The following LRP1B variants were observed in gnomAD, a reference collection of about 807,000 sequenced individuals.
LRP1B encodes low-density lipoprotein receptor-related protein 1B.
Under a neutral mutation model 556.6 loss-of-function variants are expected in LRP1B, and 217 were observed. That is an observed-to-expected ratio of 0.39 (90% confidence interval 0.35 to 0.44). LRP1B has a LOEUF of 0.44. Among genes scored for constraint, LRP1B ranks in the 20% least tolerant of loss-of-function variants. The pLI is 1.00. For missense variants in LRP1B, 5,053 were observed against 5,620.8 expected (o/e 0.90, Z 3.23); for synonymous variants, 2,047 against 1,865.8 (o/e 1.10, Z -2.50).
chr2:141,082,791 A>T (rs1699957211), intron 7 of LRP1B, among the ~76,000 whole-genome samples: 1 of 152,200 alleles, frequency 6.6e-6, no homozygotes, highest in Non-Finnish European at 1.5e-5. Flanking sequence ...GACAAAGGTT[A>T]AAAAATGGCT....
At chr2:141,167,390 C>T (rs958097435) in intron 7 of LRP1B, 1 of 151,710 alleles carries the variant, frequency 6.6e-6, no homozygotes, top group Non-Finnish European at 1.5e-5. Context: ...ATATAGTTCC[C>T]ATTATATTTT....
At chr2:140,673,971 CAG>C (rs539977724) in intron 41 of LRP1B, among the ~76,000 whole-genome samples, 2,018 of 147,524 alleles carry the variant, frequency 0.014, 42 homozygotes, top group Admixed American at 0.047. Flanking sequence ...TTTTTTGCGA[CAG>C]AGTCTTGCTT....
intron 3 of LRP1B, among the ~76,000 whole-genome samples, chr2:141,271,969 C>G (rs1210692635): frequency 6.6e-6 from 1 of 151,982 alleles, no homozygotes; most frequent in Non-Finnish European, 1.5e-5. Context: ...AAGCAATGCT[C>G]TCTTGGAGTA....
At chr2:141,311,467 A>C (rs897303792) in intron 3 of LRP1B, among the ~76,000 whole-genome samples, 4 of 152,110 alleles carry the variant, frequency 2.6e-5, no homozygotes, top group African/African-American at 9.7e-5. Context: ...AGGCTCCACT[A>C]TAGGCTGAAT....
At chr2:141,169,330 A>T (rs1234631522) in intron 7 of LRP1B, among the ~76,000 whole-genome samples, 3 of 148,356 alleles carry the variant, frequency 2.0e-5, no homozygotes, top group African/African-American at 7.5e-5. Context: ...AAATAAATAA[A>T]TAAATAAAGA....
At chr2:140,684,351 C>T (rs1559053646) in intron 41 of LRP1B, among the ~76,000 whole-genome samples, 1 of 152,198 alleles carries the variant, frequency 6.6e-6, no homozygotes. Flanking sequence ...CGAATGGTGA[C>T]TAAATTAATC....
At chr2:140,901,972 T>C (rs1456959794) in intron 23 of LRP1B, among the ~76,000 whole-genome samples, 1 of 152,130 alleles carries the variant, frequency 6.6e-6, no homozygotes, top group Non-Finnish European at 1.5e-5. Flanking sequence ...TTTCCAAGCC[T>C]GAACATGTGA....
Position 140,385,873 on chromosome 2 carries a change from A to G in LRP1B, c.10531+20T>C, listed in dbSNP as rs1446949792. On this transcript the variant is annotated intron_variant, in intron 67 of 90. Coordinates refer to ENST00000389484, the MANE Select transcript of LRP1B (RefSeq NM_018557.3). ...AATGGGCTGTCAAGCTCAAAACATTATTAGGCAAGAGTTACTTACTACAGT... is the reference window on the plus strand; with the variant it reads ...AATGGGCTGTCAAGCTCAAAACATTGTTAGGCAAGAGTTACTTACTACAGT... 1 of 1,524,572 alleles carries G rather than the reference A, an allele frequency of 6.6e-7. No individual in the cohort carries two copies. The highest frequency in any genetic ancestry group is 2.3e-5 in the East Asian group (1 of 44,386). 94.4% of individuals were successfully genotyped at this position (1,524,572 alleles called of 1,614,324 possible).
chr2:140,691,712 C>T (rs1559057709), intron 41 of LRP1B, among the ~76,000 whole-genome samples: 1 of 152,012 alleles, frequency 6.6e-6, no homozygotes, highest in African/African-American at 2.4e-5. Flanking sequence ...TCATGTCATT[C>T]AACATGGTTG....
chr2:141,007,139 A>G (rs1044839641), intron 14 of LRP1B, among the ~76,000 whole-genome samples: 1 of 151,928 alleles, frequency 6.6e-6, no homozygotes, highest in Non-Finnish European at 1.5e-5. Context: ...CGATAAGAGA[A>G]TAAAATGATT....
At chr2:141,045,821 A>G (rs1698852544) in intron 11 of LRP1B, among the ~76,000 whole-genome samples, 1 of 152,176 alleles carries the variant, frequency 6.6e-6, no homozygotes, top group South Asian at 2.1e-4. Context: ...AATAGTATGA[A>G]TTTTACAAAA....
At chr2:141,596,664 G>C (rs1687535598) in intron 2 of LRP1B, among the ~76,000 whole-genome samples, 1 of 151,842 alleles carries the variant, frequency 6.6e-6, no homozygotes, top group Non-Finnish European at 1.5e-5. Flanking sequence ...ACTTGAAAAG[G>C]ATTCTAACCC....
intron 22 of LRP1B, among the ~76,000 whole-genome samples, chr2:140,904,672 T>C (rs918098928): frequency 6.6e-6 from 1 of 152,158 alleles, no homozygotes; most frequent in Non-Finnish European, 1.5e-5. Flanking sequence ...TTTGGTATTA[T>C]TTTGAAGAAA....
chr2:141,108,877 T>A (rs1056319348), intron 7 of LRP1B, among the ~76,000 whole-genome samples: 4 of 152,170 alleles, frequency 2.6e-5, no homozygotes, highest in Non-Finnish European at 5.9e-5. Flanking sequence ...TAAATGATAA[T>A]AGCCCTTCTC....
At chr2:140,657,637 A>C (rs1419123114) in intron 41 of LRP1B, among the ~76,000 whole-genome samples, 1 of 147,400 alleles carries the variant, frequency 6.8e-6, no homozygotes, top group Non-Finnish European at 1.5e-5. Context: ...ATACATATAT[A>C]TACATACATA....
At chr2:140,924,617 C>T (rs1694835294) in intron 20 of LRP1B, among the ~76,000 whole-genome samples, 1 of 152,018 alleles carries the variant, frequency 6.6e-6, no homozygotes, top group Non-Finnish European at 1.5e-5. Flanking sequence ...TAATAGAAAA[C>T]CACTAGGACT....
intron 2 of LRP1B, among the ~76,000 whole-genome samples, chr2:141,666,871 T>A (rs550546806): frequency 6.6e-6 from 1 of 152,330 alleles, no homozygotes; most frequent in Admixed American, 6.5e-5. Flanking sequence ...TTAACCTTGG[T>A]ACAGTTTTCT....
At chr2:140,820,129 C>T (rs1691272713) in intron 31 of LRP1B, among the ~76,000 whole-genome samples, 1 of 151,872 alleles carries the variant, frequency 6.6e-6, no homozygotes, top group Non-Finnish European at 1.5e-5. Flanking sequence ...CCTCCCATAC[C>T]GCCCTGCTAA....
At chr2:140,529,715 A>G (rs11688310) in intron 47 of LRP1B, among the ~76,000 whole-genome samples, 83,481 of 151,832 alleles carry the variant, frequency 0.55, 23,264 homozygotes, top group South Asian at 0.68. Context: ...AAGTACTTCC[A>G]TAGCCCAAAG....
Sources: gnomAD v4.1 joint callset for allele counts (sites outside exome capture counted in the v4.1 genomes callset) on GRCh38, gnomAD v4.1.1 for gene constraint, MANE v1.5 for transcripts, NCBI Gene and HGNC (gene_info 2026-07-23, HGNC 2026-07-21) for gene names.